The following COL25A1 variants were observed in gnomAD, a reference collection of about 807,000 sequenced individuals.
COL25A1 encodes the protein collagen alpha-1(XXV) chain.
In COL25A1, 103 loss-of-function variants were observed where a neutral mutation model predicts 128.4. The observed-to-expected ratio is 0.80, with a 90% CI of 0.68 to 0.94. COL25A1 has a LOEUF of 0.94. Among genes scored for constraint, COL25A1 ranks in the 40% least tolerant of loss-of-function variants. The pLI, the probability that COL25A1 is intolerant of heterozygous loss-of-function variation, is 0.00. For missense variants in COL25A1, 745 were observed against 840.0 expected, an observed-to-expected ratio of 0.89 and a Z score of 1.40; for synonymous variants, 279 against 277.2, an observed-to-expected ratio of 1.01 and a Z score of -0.06.
At chr4:108,831,484 T>C (rs1351465225) in intron 32 of COL25A1, among the ~76,000 whole-genome samples, 4 of 152,164 alleles carry the variant, frequency 2.6e-5, no homozygotes, top group African/African-American at 4.8e-5. Flanking sequence ...TGAAAATCTA[T>C]CTAGTTTTTA....
intron 3 of COL25A1, among the ~76,000 whole-genome samples, chr4:109,286,357 G>A (rs1404565812): frequency 6.6e-6 from 1 of 152,142 alleles, no homozygotes; most frequent in Admixed American, 6.6e-5. Flanking sequence ...CAGCTATAAT[G>A]TAGAGGAAAG....
At chr4:108,855,260 G>GA (rs1330629831) in intron 24 of COL25A1, among the ~76,000 whole-genome samples, 1 of 142,330 alleles carries the variant, frequency 7.0e-6, no homozygotes, top group African/African-American at 2.5e-5. Flanking sequence ...AAGGTTATAA[G>GA]AAAAAAATAA....
chr4:109,221,262 T>C (rs1403650796), intron 3 of COL25A1, among the ~76,000 whole-genome samples: 1 of 152,180 alleles, frequency 6.6e-6, no homozygotes. Context: ...AAACAAATTT[T>C]CACTGAAAAA....
chr4:109,077,908 A>G (rs1004737468), intron 3 of COL25A1, among the ~76,000 whole-genome samples: 1 of 152,246 alleles, frequency 6.6e-6, no homozygotes, highest in African/African-American at 2.4e-5. Flanking sequence ...CATTCAGAGT[A>G]GTTTGAAATA....
At chr4:108,822,140 T>A (rs111884775) in intron 35 of COL25A1, among the ~76,000 whole-genome samples, 2,804 of 145,202 alleles carry the variant, frequency 0.019, 38 homozygotes, top group Non-Finnish European at 0.03. Flanking sequence ...GCCTCCTGGG[T>A]TCAAGCGATT....
intron 13 of COL25A1, among the ~76,000 whole-genome samples, chr4:108,901,439 G>C (rs1307553923): frequency 6.6e-6 from 1 of 152,100 alleles, no homozygotes; most frequent in Admixed American, 6.6e-5. Context: ...CTAGCATGTT[G>C]CTGGGTACAT....
intron 3 of COL25A1, among the ~76,000 whole-genome samples, chr4:109,105,912 A>G (rs1766385049): frequency 7.1e-6 from 1 of 141,266 alleles, no homozygotes; most frequent in South Asian, 2.2e-4. Flanking sequence ...AGTTTCTAGA[A>G]GCTGTAAAGT....
At chr4:109,128,473 TTAGGTCAAACCAATG>T (rs1370850151) in intron 3 of COL25A1, among the ~76,000 whole-genome samples, 1 of 152,192 alleles carries the variant, frequency 6.6e-6, no homozygotes, top group Non-Finnish European at 1.5e-5. Context: ...TTCCTCCTTT[TTAGGTCAAACCAATG>T]TAGCCTCCAT....
At chr4:109,176,343 T>C (rs1381549338) in intron 3 of COL25A1, among the ~76,000 whole-genome samples, 2 of 152,056 alleles carry the variant, frequency 1.3e-5, no homozygotes, top group African/African-American at 4.8e-5. Flanking sequence ...TGAGCCAAGA[T>C]CGCACCACTG....
intron 20 of COL25A1, among the ~76,000 whole-genome samples, chr4:108,866,989 C>A (rs374085911): frequency 1.2e-4 from 18 of 152,290 alleles, no homozygotes; most frequent in African/African-American, 4.3e-4. Context: ...TTTAGTTTTA[C>A]TCAGGGTTCA....
rs1169794253 is a variant in COL25A1, at chr4:109,008,752, C to T, written c.438+1606G>A. 9.5e-5 allele frequency among the ~76,000 whole-genome samples: 4 copies of T among 41,904 alleles called. No individual in the cohort carries two copies. The East Asian group carries it at 6.2e-3, about 65-fold the overall frequency. The allele number at this position is 41,904 out of a possible 152,430, so 27.5% of individuals were successfully genotyped here. A position where few individuals can be genotyped will look rare whatever the true frequency, so the allele number is the denominator to read the frequency against. The stretch of plus-strand genomic sequence containing the variant: ...CTGTATGTTTATACACATACATGCG[C>T]GCGCACACACACACACACACACACG... On this transcript the variant is annotated intron_variant, in intron 6 of 37. Coordinates refer to ENST00000399132, the MANE Select transcript of COL25A1 (RefSeq NM_198721.4).
rs183565202 is a variant in COL25A1 at position 109,040,726 on chromosome 4, G to A, written c.420+7442C>T. On this transcript the variant is annotated intron_variant, in intron 5 of 37. Coordinates refer to ENST00000399132, the MANE Select transcript of COL25A1 (RefSeq NM_198721.4). ...CAGTGACATGACACTCTATTTGTTC[G>A]GAGACTGGACATTAGAACGGTACAC... 5.0e-3 allele frequency among the ~76,000 whole-genome samples: 757 copies of A among 152,172 alleles called. 6 individuals carry two copies. Among genetic ancestry groups the A allele is most frequent in the Non-Finnish European group, 6.4e-3 (437 of 67,998 alleles).
At chr4:109,224,008 A>T (rs1778604397) in intron 3 of COL25A1, among the ~76,000 whole-genome samples, 1 of 152,222 alleles carries the variant, frequency 6.6e-6, no homozygotes, top group Non-Finnish European at 1.5e-5. Context: ...TTAAAGAGCT[A>T]CACTGACATT....
intron 11 of COL25A1, among the ~76,000 whole-genome samples, chr4:108,933,918 C>A (rs1747081656): frequency 6.6e-6 from 1 of 151,968 alleles, no homozygotes; most frequent in African/African-American, 2.4e-5. Flanking sequence ...AGAAAAATTT[C>A]CTCCTCACGA....
intron 27 of COL25A1, among the ~76,000 whole-genome samples, chr4:108,847,881 A>C (rs1401901635): frequency 6.6e-6 from 1 of 152,150 alleles, no homozygotes. Flanking sequence ...ATGTGCACTA[A>C]CTGTATTAAG....
rs1553955582 is a variant in COL25A1, at chr4:108,868,552, A to AAAGAAAG, written c.1083+529_1083+535dup. On this transcript the variant is annotated intron_variant, in intron 20 of 37. Coordinates refer to ENST00000399132, the MANE Select transcript of COL25A1 (RefSeq NM_198721.4). ...AAAAGAAAGAAAGAAAAGAAAAAAG[A>AAAGAAAG]AAGAAAGAAAGAGAAAGAGAGAGAG... Among the ~76,000 whole-genome samples the AAAGAAAG allele has an allele frequency of 7.9e-4, 115 of 146,478 alleles. 2 individuals are homozygous for AAAGAAAG. Among genetic ancestry groups the AAAGAAAG allele is most frequent in the South Asian group, 2.4e-3 (11 of 4,586 alleles).
intron 3 of COL25A1, among the ~76,000 whole-genome samples, chr4:109,117,047 G>C (rs1767647719): frequency 6.6e-6 from 1 of 151,736 alleles, no homozygotes. Flanking sequence ...ATGCGTAATA[G>C]GAATATCAGA....
At chr4:108,856,781 C>T (rs1736565333) in intron 24 of COL25A1, among the ~76,000 whole-genome samples, 1 of 152,040 alleles carries the variant, frequency 6.6e-6, no homozygotes, top group South Asian at 2.1e-4. Flanking sequence ...TATATCGTTT[C>T]ATATTGAAAT....
chr4:108,861,405 GT>G (rs1737203743), intron 22 of COL25A1, among the ~76,000 whole-genome samples: 1 of 151,912 alleles, frequency 6.6e-6, no homozygotes, highest in Non-Finnish European at 1.5e-5. Flanking sequence ...CAGGAAAGGA[GT>G]AGAGAGCTCA....
Sources: allele counts gnomAD v4.1 joint callset (sites outside exome capture counted in the v4.1 genomes callset), GRCh38; gene constraint gnomAD v4.1.1; transcripts MANE v1.5; gene names NCBI Gene and HGNC (gene_info 2026-07-23, HGNC 2026-07-21).